The following RANBP9 variants were observed in gnomAD, a reference collection of about 807,000 sequenced individuals.
RANBP9 encodes ran-binding protein 9.
Under a neutral mutation model 84.3 loss-of-function variants are expected in RANBP9, and 15 were observed. The ratio of observed to expected loss-of-function variants is 0.18; its 90% CI spans 0.12 to 0.27. The LOEUF (loss-of-function observed/expected upper bound fraction) is 0.27, where lower values mean the gene tolerates loss of function less well. Ranked by LOEUF, RANBP9 falls within the 10% of genes least tolerant of loss-of-function variation. The pLI, the probability that RANBP9 is intolerant of heterozygous loss-of-function variation, is 1.00. For missense variants in RANBP9, 809 were observed against 912.8 expected (o/e 0.89, Z 1.46); for synonymous variants, 392 against 349.6 (o/e 1.12, Z -1.35).
At chr6:13,654,995 T>G (rs1180447022) in intron 4 of RANBP9, among the ~76,000 whole-genome samples, 1 of 152,250 alleles carries the variant, frequency 6.6e-6, no homozygotes, top group Non-Finnish European at 1.5e-5. Context: ...CTTGACAAAC[T>G]AAGAAAACTG....
At chr6:13,627,882 GACT>G (rs1217830562) in intron 12 of RANBP9, among the ~76,000 whole-genome samples, 1 of 151,618 alleles carries the variant, frequency 6.6e-6, no homozygotes, top group African/African-American at 2.4e-5. Flanking sequence ...CTTAAATTAA[GACT>G]ACACTGTCTA....
chr6:13,706,725 G>C (rs1404208067), intron 1 of RANBP9, among the ~76,000 whole-genome samples: 1 of 151,512 alleles, frequency 6.6e-6, no homozygotes, highest in Non-Finnish European at 1.5e-5. Flanking sequence ...ATTCAGGCCA[G>C]GCGCAGTGGC....
chr6:13,672,391 A>G (rs896263542), intron 2 of RANBP9, among the ~76,000 whole-genome samples: 7 of 152,312 alleles, frequency 4.6e-5, no homozygotes, highest in South Asian at 2.1e-4. Flanking sequence ...ATAACAGATT[A>G]CAACTGAGAA....
chr6:13,630,395 AAAGT>A (rs1163965316), intron 12 of RANBP9, among the ~76,000 whole-genome samples: 1 of 152,236 alleles, frequency 6.6e-6, no homozygotes, highest in Non-Finnish European at 1.5e-5. Flanking sequence ...AATCAAACAC[AAAGT>A]AAGCTAATGG....
chr6:13,672,751 A>T (rs977592216), intron 2 of RANBP9, among the ~76,000 whole-genome samples: 2 of 152,188 alleles, frequency 1.3e-5, no homozygotes, highest in Non-Finnish European at 2.9e-5. Flanking sequence ...TAAATAACTC[A>T]TTAAAATGCT....
At chr6:13,707,208 G>A (rs1758150471) in intron 1 of RANBP9, among the ~76,000 whole-genome samples, 2 of 152,056 alleles carry the variant, frequency 1.3e-5, no homozygotes, top group Admixed American at 6.5e-5. Context: ...GGGTAGAGAC[G>A]GGGTCCCACT....
At position 13,641,796 on chromosome 6, in the gene RANBP9, A is replaced by C. The variant is rs117669389; in HGVS notation, c.1226-489T>G. On this transcript the variant is annotated intron_variant, in intron 7 of 13. Transcript: ENST00000011619. Reference sequence around the variant, plus strand: ...ATCTCTGTTCAACAGAGCTTATTAAAATAGTAGAAAAGGACAGCACACAAT... The same window carrying C: ...ATCTCTGTTCAACAGAGCTTATTAACATAGTAGAAAAGGACAGCACACAAT... Among the ~76,000 whole-genome samples, 56 of 152,316 alleles carry C rather than the reference A, an allele frequency of 3.7e-4. 1 individual carries two copies. The East Asian group carries it at 9.8e-3, about 27-fold the overall frequency.
At chr6:13,677,606 A>G (rs893682710) in intron 2 of RANBP9, among the ~76,000 whole-genome samples, 10 of 152,216 alleles carry the variant, frequency 6.6e-5, no homozygotes, top group South Asian at 6.2e-4. Flanking sequence ...TAGTATACGT[A>G]TATCTATTTA....
Position 13,657,347 on chromosome 6 carries a change from T to C in RANBP9, c.737-71A>G, listed in dbSNP as rs528824906. 122 of 1,318,032 alleles carry C rather than the reference T, an allele frequency of 9.3e-5. 2 individuals carry two copies. In the South Asian group the frequency reaches 1.7e-3, roughly 19 times the overall value. The allele number at this position is 1,318,032 out of a possible 1,614,324, so 81.6% of individuals were successfully genotyped here. Reference sequence around the variant, plus strand: ...TCTGTACTAGGTTTATTCACTAAGATTATGATAAATCAGAACAGTACAAGA... The same window carrying C: ...TCTGTACTAGGTTTATTCACTAAGACTATGATAAATCAGAACAGTACAAGA... On this transcript the variant is annotated intron_variant, in intron 3 of 13. Coordinates refer to ENST00000011619, the MANE Select transcript of RANBP9 (RefSeq NM_005493.3).
At chr6:13,708,186 C>T (rs1011209990) in intron 1 of RANBP9, among the ~76,000 whole-genome samples, 1 of 152,074 alleles carries the variant, frequency 6.6e-6, no homozygotes, top group Non-Finnish European at 1.5e-5. Flanking sequence ...CTTTGGGATG[C>T]CAAGGTGGGA....
chr6:13,632,498 G>A lies in RANBP9; in HGVS notation c.1819C>T (p.Arg607Cys), dbSNP rs762168475. 21 of 1,613,330 alleles carry A rather than the reference G, an allele frequency of 1.3e-5. No individual in the cohort carries two copies. The highest frequency in any genetic ancestry group is 5.5e-5 in the South Asian group (5 of 91,062). Residue 607 changes from arginine (R) to cysteine (C), a missense_variant, in exon 12 of 14, where the codon CGC becomes TGC. By Grantham distance (180) the Arg-to-Cys change is radical. Coordinates refer to ENST00000011619, the MANE Select transcript of RANBP9 (RefSeq NM_005493.3). ...GCCTGACTTCCTCCACACAACTGGC[G>A]TCTCAACTGACTTGAATCAACTTCT... The part of the protein sequence containing the change: ...EMEVDSSQLR[R>C]QLCGGSQAAI...
At chr6:13,692,329 G>C (rs960776293) in intron 2 of RANBP9, among the ~76,000 whole-genome samples, 2 of 148,080 alleles carry the variant, frequency 1.4e-5, no homozygotes, top group Non-Finnish European at 3.0e-5. Context: ...TGAGGTCAGG[G>C]GTTCGAAACC....
chr6:13,708,583 A>G (rs1421528842), intron 1 of RANBP9, among the ~76,000 whole-genome samples: 2 of 152,258 alleles, frequency 1.3e-5, no homozygotes, highest in Admixed American at 6.5e-5. Flanking sequence ...ACGTGAATAT[A>G]TGAATAGTAG....
intron 2 of RANBP9, among the ~76,000 whole-genome samples, chr6:13,688,318 G>A (rs1231514289): frequency 6.6e-6 from 1 of 152,126 alleles, no homozygotes; most frequent in Non-Finnish European, 1.5e-5. Context: ...AAGGATACCT[G>A]AGCAACTGAA....
At chr6:13,631,740 CTTAAG>C (rs1273911544) in intron 12 of RANBP9, among the ~76,000 whole-genome samples, 1 of 152,194 alleles carries the variant, frequency 6.6e-6, no homozygotes, top group African/African-American at 2.4e-5. Context: ...GCAATGCTGA[CTTAAG>C]TTAGGAGAAA....
chr6:13,624,238 CA>C (rs1764536733), intron 13 of RANBP9, among the ~76,000 whole-genome samples: 1 of 152,184 alleles, frequency 6.6e-6, no homozygotes, highest in Admixed American at 6.5e-5. Flanking sequence ...TTTCTAAGGG[CA>C]AAGAAACAGA....
intron 2 of RANBP9, among the ~76,000 whole-genome samples, chr6:13,671,908 T>C (rs1322012182): frequency 6.6e-6 from 1 of 152,068 alleles, no homozygotes; most frequent in Admixed American, 6.6e-5. Context: ...CAACTACTCT[T>C]AGAAGCACTG....
chr6:13,675,131 A>G (rs756812807), intron 2 of RANBP9, among the ~76,000 whole-genome samples: 10 of 152,266 alleles, frequency 6.6e-5, no homozygotes, highest in Non-Finnish European at 1.0e-4. Context: ...ACCAGTAAAC[A>G]TATAGTCAAA....
chr6:13,642,801 G>A lies in RANBP9; in HGVS notation c.1113-210C>T, dbSNP rs151068162. Among the ~76,000 whole-genome samples, 346 of 152,252 alleles carry A rather than the reference G, an allele frequency of 2.3e-3. 1 individual carries two copies. Among genetic ancestry groups the A allele is most frequent in the Non-Finnish European group, 4.1e-3 (277 of 67,996 alleles). ...TATTTTCGAAAAGATAACTGCAAAT[G>A]CTATGTTGAGACTACTCTCCCTAAA... On this transcript the variant is annotated intron_variant, in intron 6 of 13. Coordinates refer to ENST00000011619, the MANE Select transcript of RANBP9 (RefSeq NM_005493.3).
Sources: gnomAD v4.1 joint callset for allele counts (sites outside exome capture counted in the v4.1 genomes callset) on GRCh38, gnomAD v4.1.1 for gene constraint, MANE v1.5 for transcripts, NCBI Gene and HGNC (gene_info 2026-07-23, HGNC 2026-07-21) for gene names.